The following PLCB1 variants were observed in gnomAD, a reference collection of about 807,000 sequenced individuals.
The protein encoded by PLCB1 is 1-phosphatidylinositol 4,5-bisphosphate phosphodiesterase beta-1.
In PLCB1, 46 loss-of-function variants were observed where a neutral mutation model predicts 161.8. The observed-to-expected ratio is 0.28, with a 90% confidence interval of 0.22 to 0.36. PLCB1 has a LOEUF of 0.36. Ranked by LOEUF, PLCB1 falls within the 10% of genes least tolerant of loss-of-function variation. The pLI is 1.00. For missense variants in PLCB1, 1,016 were observed against 1,472.5 expected (o/e 0.69, Z 5.07); for synonymous variants, 517 against 503.7 (o/e 1.03, Z -0.35).
At chr20:8,847,029 G>A (rs949628166) in intron 31 of PLCB1, among the ~76,000 whole-genome samples, 1 of 152,094 alleles carries the variant, frequency 6.6e-6, no homozygotes, top group African/African-American at 2.4e-5. Flanking sequence ...CTGATGTTTT[G>A]GTCTCAGCCC....
intron 25 of PLCB1, 80 bp from the exon 26 acceptor site, chr20:8,765,059 C>T (rs1982244438): frequency 9.3e-7 from 1 of 1,079,638 alleles, no homozygotes; most frequent in African/African-American, 1.6e-5. Context: ...ACCATTTCTT[C>T]CTAAGAAGGT....
intron 2 of PLCB1, among the ~76,000 whole-genome samples, chr20:8,247,342 C>T (rs73084336): frequency 0.12 from 18,196 of 151,906 alleles, 1,380 homozygotes; most frequent in Admixed American, 0.17. Context: ...CTTAAAATGA[C>T]ATATTCTCTA....
chr20:8,707,751 G>T (rs1600265494), intron 11 of PLCB1, among the ~76,000 whole-genome samples: 1 of 152,068 alleles, frequency 6.6e-6, no homozygotes, highest in African/African-American at 2.4e-5. Context: ...TCCAACAGTT[G>T]GGGAATGGTT....
At chr20:8,745,559 T>C (rs1045074632) in intron 23 of PLCB1, among the ~76,000 whole-genome samples, 3 of 152,024 alleles carry the variant, frequency 2.0e-5, no homozygotes, top group Non-Finnish European at 4.4e-5. Context: ...ACAATAGATA[T>C]TTATTTCAGA....
intron 2 of PLCB1, among the ~76,000 whole-genome samples, chr20:8,198,291 A>G (rs1376504516): frequency 6.6e-6 from 1 of 152,186 alleles, no homozygotes; most frequent in Non-Finnish European, 1.5e-5. Flanking sequence ...CCTATCCATG[A>G]GCGTGGAATG....
rs1190464843 is a variant in PLCB1, at chr20:8,629,959, CTTTCTTCT to C, written c.384+1531_384+1538del. Among the ~76,000 whole-genome samples, 823 of 102,338 alleles carry C rather than the reference CTTTCTTCT, an allele frequency of 8.0e-3. 23 individuals are homozygous for C. Among genetic ancestry groups the C allele is most frequent in the African/African-American group, 0.037 (767 of 20,776 alleles). The allele number at this position is 102,338 out of a possible 152,430, so 67.1% of individuals were successfully genotyped here. Reference sequence around the variant, plus strand: ...CTTTCTTTCTCTCTTTCTTTTCTTTCTTTCTTCTTTCTTTCTTTCTTTCTTTCTTTCTT... The same window carrying C: ...CTTTCTTTCTCTCTTTCTTTTCTTTCTTCTTTCTTTCTTTCTTTCTTTCTT... On this transcript the variant is annotated intron_variant, in intron 4 of 31. Transcript: ENST00000338037.
intron 9 of PLCB1, among the ~76,000 whole-genome samples, chr20:8,661,686 T>A (rs1989626222): frequency 6.6e-6 from 1 of 151,856 alleles, no homozygotes; most frequent in African/African-American, 2.4e-5. Flanking sequence ...TATGTTTAGT[T>A]CAGCGCACAC....
chr20:8,852,900 G>C (rs1986938529), intron 31 of PLCB1, among the ~76,000 whole-genome samples: 1 of 152,178 alleles, frequency 6.6e-6, no homozygotes, highest in Non-Finnish European at 1.5e-5. Flanking sequence ...CTCTGATTTT[G>C]TTACTGCCCC....
chr20:8,367,539 A>G (rs1330849753), intron 2 of PLCB1, among the ~76,000 whole-genome samples: 1 of 152,236 alleles, frequency 6.6e-6, no homozygotes, highest in Non-Finnish European at 1.5e-5. Flanking sequence ...ATTGATGCTC[A>G]GTGTGGTAAA....
intron 3 of PLCB1, among the ~76,000 whole-genome samples, chr20:8,566,869 A>C (rs1183941677): frequency 6.8e-6 from 1 of 146,976 alleles, no homozygotes; most frequent in Non-Finnish European, 1.5e-5. Flanking sequence ...AAGATGATTT[A>C]TTCTGTGACC....
intron 2 of PLCB1, among the ~76,000 whole-genome samples, chr20:8,188,021 G>A (rs1489163991): frequency 6.6e-6 from 1 of 151,902 alleles, no homozygotes; most frequent in Non-Finnish European, 1.5e-5. Context: ...CTCATGCGTG[G>A]CTTGGCTGAG....
intron 3 of PLCB1, among the ~76,000 whole-genome samples, chr20:8,559,672 A>G (rs1332161354): frequency 6.6e-6 from 1 of 152,026 alleles, no homozygotes; most frequent in East Asian, 1.9e-4. Context: ...CTATACTAAT[A>G]TCAGTCAAAA....
chr20:8,696,207 C>T (rs1437376728), intron 10 of PLCB1, among the ~76,000 whole-genome samples: 1 of 152,114 alleles, frequency 6.6e-6, no homozygotes, highest in East Asian at 1.9e-4. Context: ...CCAAGTTCTT[C>T]TTTTTTTATT....
At chr20:8,724,860 T>C (rs1600278228) in intron 16 of PLCB1, 108 bp downstream of exon 16, 2 of 640,488 alleles carry the variant, frequency 3.1e-6, no homozygotes, top group East Asian at 2.8e-5. Flanking sequence ...GATTTATGCT[T>C]TTGAAGTCTT....
chr20:8,421,910 C>G (rs1342503279), intron 3 of PLCB1, among the ~76,000 whole-genome samples: 1 of 152,204 alleles, frequency 6.6e-6, no homozygotes, highest in African/African-American at 2.4e-5. Flanking sequence ...GCTCAGTATT[C>G]CTTCTGACTC....
chr20:8,690,322 A>C (rs1003753033), intron 10 of PLCB1, among the ~76,000 whole-genome samples: 57 of 152,158 alleles, frequency 3.7e-4, no homozygotes, highest in African/African-American at 1.3e-3. Flanking sequence ...ATTGCAAGGC[A>C]GTGGAGCAGA....
At chr20:8,449,635 C>A (rs1298423621) in intron 3 of PLCB1, among the ~76,000 whole-genome samples, 1 of 152,194 alleles carries the variant, frequency 6.6e-6, no homozygotes. Context: ...ATACTACAAT[C>A]GTTTCTTAGA....
At chr20:8,523,716 G>A (rs1205982616) in intron 3 of PLCB1, among the ~76,000 whole-genome samples, 2 of 151,238 alleles carry the variant, frequency 1.3e-5, no homozygotes, top group Non-Finnish European at 2.9e-5. Flanking sequence ...ACTAAAAGGG[G>A]ACAAATGGAA....
chr20:8,300,531 G>C (rs368845826), intron 2 of PLCB1, among the ~76,000 whole-genome samples: 1 of 151,748 alleles, frequency 6.6e-6, no homozygotes, highest in East Asian at 1.9e-4. Context: ...CCATTTGTTT[G>C]GAAGTGGTTT....
Sources: allele counts gnomAD v4.1 joint callset (sites outside exome capture counted in the v4.1 genomes callset), GRCh38; gene constraint gnomAD v4.1.1; transcripts MANE v1.5; gene names NCBI Gene and HGNC (gene_info 2026-07-23, HGNC 2026-07-21).